MGRN1: variants seen among roughly 807,000 people sequenced by gnomAD.
The protein encoded by MGRN1 is E3 ubiquitin-protein ligase MGRN1.
In MGRN1, 29 loss-of-function variants were observed where a neutral mutation model predicts 69.2. That is an observed-to-expected ratio of 0.42 (90% confidence interval 0.31 to 0.57). MGRN1 has a LOEUF of 0.57. Ranked by LOEUF, MGRN1 falls within the 20% of genes least tolerant of loss-of-function variation. The pLI, the probability that MGRN1 is intolerant of heterozygous loss-of-function variation, is 0.15. For synonymous variants in MGRN1, 470 were observed against 344.2 expected, an observed-to-expected ratio of 1.37 and a Z score of -4.04; for missense variants, 998 against 796.2, an observed-to-expected ratio of 1.25 and a Z score of -3.05.
chr16:4,627,389 T>A (rs561458738), intron 1 of MGRN1, among the ~76,000 whole-genome samples: 1 of 152,276 alleles, frequency 6.6e-6, no homozygotes, highest in Non-Finnish European at 1.5e-5. Flanking sequence ...TTGTTTTCAC[T>A]ATATCTGTTT....
intron 16 of MGRN1, chr16:4,688,234 G>C: frequency 3.0e-6 from 3 of 985,760 alleles, no homozygotes; most frequent in Non-Finnish European, 2.4e-6. Context: ...CAAGCCCCAG[G>C]GACGCCAGAC....
rs368527662 is a variant in MGRN1 at position 4,680,054 on chromosome 16, C to G, written c.1088C>G (p.Pro363Arg). ...EHSCPFKKSK[P>R]HPASLASKKP... ...CAGTGTCCCTTTAAAAAATCAAAGC[C>G]GCACCCCGCCTCCCTGGCCAGCAAG... The change falls in exon 12 of 17, where the codon CCG becomes CGG. Residue 363 changes from proline to arginine, a missense_variant. Transcript: ENST00000262370. 1.5e-5 allele frequency: 25 copies of G among 1,613,942 alleles called. No individual in the cohort carries two copies. The highest frequency in any genetic ancestry group is 2.1e-5 in the Non-Finnish European group (25 of 1,179,970).
chr16:4,657,419 G>A (rs916351480), intron 5 of MGRN1, 56 bp downstream of exon 5: 2 of 1,535,806 alleles, frequency 1.3e-6, no homozygotes, highest in East Asian at 2.3e-5. Context: ...CTCTCCCCTT[G>A]GGGGTGGGGC....
intron 5 of MGRN1, among the ~76,000 whole-genome samples, chr16:4,662,952 C>T (rs1438821421): frequency 6.6e-6 from 1 of 152,234 alleles, no homozygotes; most frequent in African/African-American, 2.4e-5. Context: ...CCTCATGGGT[C>T]TTAGTCAGTG....
intron 1 of MGRN1, among the ~76,000 whole-genome samples, chr16:4,628,706 G>A (rs567323559): frequency 1.8e-4 from 27 of 152,130 alleles, no homozygotes; most frequent in Middle Eastern, 6.8e-3. Flanking sequence ...CACCACGCCC[G>A]GCTAATTTTT....
intron 1 of MGRN1, among the ~76,000 whole-genome samples, chr16:4,639,278 G>A (rs1380651646): frequency 6.6e-6 from 1 of 152,186 alleles, no homozygotes; most frequent in African/African-American, 2.4e-5. Context: ...GAGGAGAATG[G>A]CGGCGGGAGC....
At chr16:4,635,428 A>G (rs951853514) in intron 1 of MGRN1, among the ~76,000 whole-genome samples, 6 of 152,068 alleles carry the variant, frequency 3.9e-5, no homozygotes, top group African/African-American at 1.2e-4. Context: ...AAATAAATTA[A>G]TAAGTCAAAT....
intron 1 of MGRN1, among the ~76,000 whole-genome samples, chr16:4,626,563 A>G (rs980859140): frequency 3.9e-5 from 6 of 152,210 alleles, no homozygotes; most frequent in African/African-American, 1.2e-4. Context: ...ACAATTGCTC[A>G]TAAAGGAAGA....
chr16:4,627,561 G>A (rs1280908812), intron 1 of MGRN1, among the ~76,000 whole-genome samples: 1 of 152,218 alleles, frequency 6.6e-6, no homozygotes, highest in Non-Finnish European at 1.5e-5. Flanking sequence ...GCCAAGGCGG[G>A]CGGATCACAA....
Position 4,657,294 on chromosome 16 carries a change from G to C in MGRN1, c.492G>C (p.Lys164Asn), listed in dbSNP as rs746091759. 1 of 1,614,216 alleles carries C rather than the reference G, an allele frequency of 6.2e-7. No individual in the cohort carries two copies. The highest frequency in any genetic ancestry group is 8.5e-7 in the Non-Finnish European group (1 of 1,180,002). The change falls in exon 5 of 17, where the codon AAG becomes AAC. Residue 164 changes from lysine to asparagine, a missense_variant. Lys to Asn is a moderately conservative substitution (Grantham distance 94). Transcript: ENST00000262370. ...TACAGTCCGAGACCGTCCACTACAAGAGAGGGGTGAGCCAGCAGTTCTCCC... is the reference window on the plus strand; with the variant it reads ...TACAGTCCGAGACCGTCCACTACAACAGAGGGGTGAGCCAGCAGTTCTCCC... ...PSLQSETVHYKRGVSQQFSLP... is the reference protein window; with the variant it reads ...PSLQSETVHYNRGVSQQFSLP...
At chr16:4,674,443 C>T (rs903694811) in intron 10 of MGRN1, among the ~76,000 whole-genome samples, 7 of 151,798 alleles carry the variant, frequency 4.6e-5, no homozygotes, top group African/African-American at 1.5e-4. Context: ...CCTGCACCAC[C>T]ATGCCTGGCT....
At chr16:4,665,202 G>A in intron 7 of MGRN1, 51 bp downstream of exon 7, 1 of 1,605,820 alleles carries the variant, frequency 6.2e-7, no homozygotes, top group Non-Finnish European at 8.5e-7. Context: ...GCTGGGCAGG[G>A]GGTGGCCTTT....
intron 6 of MGRN1, 56 bp downstream of exon 6, chr16:4,664,831 C>A (rs549631131): frequency 6.3e-7 from 1 of 1,595,298 alleles, no homozygotes; most frequent in East Asian, 2.2e-5. Flanking sequence ...GGAGGAAGCA[C>A]GTCTTGAGGG....
chr16:4,680,892 C>A (rs889012080), intron 12 of MGRN1, among the ~76,000 whole-genome samples: 1 of 152,216 alleles, frequency 6.6e-6, no homozygotes, highest in Non-Finnish European at 1.5e-5. Flanking sequence ...GCCGGGGTCT[C>A]CCGAAAGGAG....
chr16:4,672,257 G>A (rs1194686577), intron 9 of MGRN1: 6 of 433,618 alleles, frequency 1.4e-5, no homozygotes, highest in Non-Finnish European at 2.3e-5. Context: ...ATGTTGGCCA[G>A]GCTGGTCTCA....
chr16:4,634,969 C>G (rs1898203974), intron 1 of MGRN1: 1 of 152,232 alleles, frequency 6.6e-6, no homozygotes, highest in African/African-American at 2.4e-5. Context: ...TAACAGGGCT[C>G]TCGCCCCGCG....
At chr16:4,666,305 A>T (rs1042057152) in intron 7 of MGRN1, among the ~76,000 whole-genome samples, 8 of 151,630 alleles carry the variant, frequency 5.3e-5, no homozygotes, top group South Asian at 4.2e-4. Context: ...ACTTAAAAAA[A>T]TTTTTTTGTA....
intron 5 of MGRN1, among the ~76,000 whole-genome samples, chr16:4,660,502 T>C (rs2078652314): frequency 6.6e-6 from 1 of 152,176 alleles, no homozygotes; most frequent in Admixed American, 6.5e-5. Flanking sequence ...AAATCACAGC[T>C]CACTCAGAGG....
chr16:4,680,864 A>G (rs1213095400), intron 12 of MGRN1, among the ~76,000 whole-genome samples: 5 of 151,610 alleles, frequency 3.3e-5, no homozygotes, highest in Non-Finnish European at 7.4e-5. Context: ...CCTTCCTTCC[A>G]GGAGCTCGGT....
Sources: gnomAD v4.1 joint callset for allele counts (sites outside exome capture counted in the v4.1 genomes callset) on GRCh38, gnomAD v4.1.1 for gene constraint, MANE v1.5 for transcripts, NCBI Gene and HGNC (gene_info 2026-07-23, HGNC 2026-07-21) for gene names.